Variants in LRRC36 observed in about 807,000 individuals in gnomAD.
LRRC36 encodes leucine rich repeat containing 36.
In LRRC36, 62 loss-of-function variants were observed where a neutral mutation model predicts 81.1. The ratio of observed to expected loss-of-function variants is 0.76; its 90% CI spans 0.62 to 0.94. The LOEUF (loss-of-function observed/expected upper bound fraction) is 0.94, where lower values mean the gene tolerates loss of function less well. LRRC36 is among the 40% of genes least tolerant of loss of function. The pLI, the probability that LRRC36 is intolerant of heterozygous loss-of-function variation, is 0.00. For synonymous variants in LRRC36, 334 were observed against 348.6 expected, an observed-to-expected ratio of 0.96 and a Z score of 0.47; for missense variants, 761 against 881.7, an observed-to-expected ratio of 0.86 and a Z score of 1.73.
chr16:67,337,551 G>A (rs1006265799), intron 1 of LRRC36, among the ~76,000 whole-genome samples: 6 of 150,282 alleles, frequency 4.0e-5, no homozygotes, highest in Admixed American at 1.3e-4. Flanking sequence ...GTAGAGACAG[G>A]GTTTTGCCAT....
At chr16:67,343,653 C>T (rs1019203019) in intron 2 of LRRC36, among the ~76,000 whole-genome samples, 9 of 150,396 alleles carry the variant, frequency 6.0e-5, no homozygotes, top group Admixed American at 2.0e-4. Flanking sequence ...CTAGATCGCA[C>T]CACTACACTC....
intron 1 of LRRC36, among the ~76,000 whole-genome samples, chr16:67,332,699 A>C (rs1030898076): frequency 2.6e-5 from 4 of 152,158 alleles, no homozygotes; most frequent in Non-Finnish European, 5.9e-5. Flanking sequence ...AAATGTTAAA[A>C]TGTCTGCTCT....
intron 5 of LRRC36, among the ~76,000 whole-genome samples, chr16:67,362,755 C>T (rs1035911334): frequency 2.9e-4 from 42 of 147,084 alleles, no homozygotes; most frequent in Non-Finnish European, 5.7e-4. Flanking sequence ...GTTTCTCTCT[C>T]TTTTTTTTGT....
intron 5 of LRRC36, chr16:67,362,317 A>AATT (rs2142085684): frequency 3.0e-6 from 1 of 332,086 alleles, no homozygotes; most frequent in South Asian, 2.1e-5. Flanking sequence ...TGTGCACCAT[A>AATT]ACGCCCAGCT....
intron 11 of LRRC36, 51 bp from the exon 12 acceptor site, chr16:67,378,538 C>T (rs776091250): frequency 1.9e-6 from 3 of 1,587,878 alleles, no homozygotes. Context: ...CGGCACCCAG[C>T]CTAGAATGTC....
intron 1 of LRRC36, among the ~76,000 whole-genome samples, chr16:67,333,405 T>A (rs1309091979): frequency 6.6e-6 from 1 of 152,180 alleles, no homozygotes; most frequent in African/African-American, 2.4e-5. Context: ...GTGCTGAAAT[T>A]ACAGGCATGA....
At chr16:67,346,611 TTTTATTG>T (rs2038360645) in intron 3 of LRRC36, among the ~76,000 whole-genome samples, 163 bp downstream of exon 3, 1 of 152,218 alleles carries the variant, frequency 6.6e-6, no homozygotes, top group Admixed American at 6.5e-5. Context: ...TGACGAGTTC[TTTTATTG>T]TTTATTGAAT....
intron 2 of LRRC36, among the ~76,000 whole-genome samples, chr16:67,345,741 T>G (rs892854052): frequency 6.6e-6 from 1 of 151,806 alleles, no homozygotes; most frequent in African/African-American, 2.4e-5. Context: ...CACTGAGATA[T>G]GAGAACACAA....
At chr16:67,356,926 C>A (rs2038930801) in intron 5 of LRRC36, among the ~76,000 whole-genome samples, 1 of 152,120 alleles carries the variant, frequency 6.6e-6, no homozygotes, top group South Asian at 2.1e-4. Context: ...GTTGCAAAGG[C>A]CCTCTTTACT....
intron 1 of LRRC36, among the ~76,000 whole-genome samples, chr16:67,340,002 G>A (rs2142618503): frequency 6.6e-6 from 1 of 152,114 alleles, no homozygotes; most frequent in Admixed American, 6.5e-5. Context: ...AATTAGCCAG[G>A]CATAGTGGCA....
At chr16:67,338,084 C>CA (rs548946212) in intron 1 of LRRC36, among the ~76,000 whole-genome samples, 48 of 135,360 alleles carry the variant, frequency 3.5e-4, no homozygotes, top group South Asian at 2.3e-3. Context: ...AACTCCATCT[C>CA]AAAAAAAAAA....
In LRRC36 at chr16:67,375,248, C is replaced by T. The variant is rs2039839270; in HGVS notation, c.1496C>T (p.Pro499Leu). The T allele has an allele frequency of 6.2e-7, 1 of 1,609,962 alleles. No individual in the cohort carries two copies. The highest frequency in any genetic ancestry group is 8.5e-7 in the Non-Finnish European group (1 of 1,179,332). ...HGFQDATGSEPLSSDLGSLHG... is the reference protein window; with the variant it reads ...HGFQDATGSELLSSDLGSLHG... The stretch of plus-strand genomic sequence containing the variant: ...TTTTGCTTTTTTTTTTCTCTTGAGC[C>T]TCTCTCTAGTGACCTGGGTAGTTTG... The change falls in exon 10 of 14, where the codon CCT becomes CTT. Residue 499 changes from proline to leucine, a missense_variant and splice_region_variant. By Grantham distance (98) the Pro-to-Leu change is moderately conservative. Coordinates refer to ENST00000329956, the MANE Select transcript of LRRC36 (RefSeq NM_018296.6).
At chr16:67,368,769 T>C (rs995272790) in intron 8 of LRRC36, among the ~76,000 whole-genome samples, 1 of 152,158 alleles carries the variant, frequency 6.6e-6, no homozygotes, top group African/African-American at 2.4e-5. Flanking sequence ...GCGTAACAGA[T>C]GATGATGGCT....
chr16:67,375,164 A>C, intron 9 of LRRC36, 83 bp from the exon 10 acceptor site: 1 of 1,476,614 alleles, frequency 6.8e-7, no homozygotes, highest in African/African-American at 1.4e-5. Context: ...TCAATGTCTA[A>C]ATTCTTACTT....
rs1390593578 is a variant in LRRC36, at chr16:67,376,755, G to C, written c.1689G>C (p.Leu563Phe). 3.1e-6 allele frequency: 5 copies of C among 1,613,346 alleles called. No individual in the cohort carries two copies. The highest frequency in any genetic ancestry group is 3.4e-6 in the Non-Finnish European group (4 of 1,179,478). Residue 563 changes from leucine (L) to phenylalanine (F), a missense_variant, in exon 11 of 14, where the codon TTG becomes TTC. Transcript: ENST00000329956. ...LGPARDLLLS[L>F]VVPAPSQPRC... The stretch of plus-strand genomic sequence containing the variant: ...CTGCCCGAGATTTGCTTCTGTCTTT[G>C]GTAGTCCCGGCTCCTTCTCAGCCGA...
intron 2 of LRRC36, among the ~76,000 whole-genome samples, chr16:67,343,813 A>G (rs764927767): frequency 6.6e-5 from 10 of 151,774 alleles, no homozygotes; most frequent in African/African-American, 1.4e-4. Flanking sequence ...TTTTGCATCT[A>G]TGATTTTTAT....
chr16:67,342,126 A>G, intron 2 of LRRC36, 42 bp downstream of exon 2: 7 of 1,424,838 alleles, frequency 4.9e-6, no homozygotes, highest in Non-Finnish European at 6.6e-6. Context: ...TGCCCAATTT[A>G]TTTTTTTGAT....
intron 5 of LRRC36, among the ~76,000 whole-genome samples, chr16:67,356,816 T>C (rs1047845444): frequency 2.0e-5 from 3 of 151,970 alleles, no homozygotes; most frequent in Admixed American, 6.6e-5. Flanking sequence ...GTGGGCATAG[T>C]TGAGGGGAAA....
Position 67,350,422 on chromosome 16 carries a change from G to A in LRRC36, c.577+132G>A, listed in dbSNP as rs558801832. 2.2e-3 allele frequency: 1,672 copies of A among 763,722 alleles called. 30 individuals are homozygous for A. The highest frequency in any genetic ancestry group is 0.02 in the South Asian group (1,151 of 57,432). 47.3% of individuals were successfully genotyped at this position (763,722 alleles called of 1,614,324 possible). On this transcript the variant is annotated intron_variant, in intron 5 of 13. Coordinates refer to ENST00000329956, the MANE Select transcript of LRRC36 (RefSeq NM_018296.6). ...TGAAGCAAGCACAGGTTTACTGGCT[G>A]TGTTTTTCTTCCATCCTCTCACTGC...
Sources: gnomAD v4.1 joint callset for allele counts (sites outside exome capture counted in the v4.1 genomes callset) on GRCh38, gnomAD v4.1.1 for gene constraint, MANE v1.5 for transcripts, NCBI Gene and HGNC (gene_info 2026-07-23, HGNC 2026-07-21) for gene names.